Variants in RASGRF2 observed in about 807,000 individuals in gnomAD.
RASGRF2 encodes the protein ras-specific guanine nucleotide-releasing factor 2.
RASGRF2 carries 76 observed loss-of-function variants against 151.0 expected under a neutral mutation model. That is an observed-to-expected ratio of 0.50 (90% CI 0.42 to 0.61). The LOEUF is 0.61. RASGRF2 is among the 20% of genes least tolerant of loss of function. The pLI, the probability that RASGRF2 is intolerant of heterozygous loss-of-function variation, is 0.00. For missense variants in RASGRF2, 1,148 were observed against 1,564.6 expected, an observed-to-expected ratio of 0.73 and a Z score of 4.49; for synonymous variants, 504 against 566.5, an observed-to-expected ratio of 0.89 and a Z score of 1.57.
chr5:81,196,182 C>T (rs938923212), intron 18 of RASGRF2, among the ~76,000 whole-genome samples: 1 of 152,182 alleles, frequency 6.6e-6, no homozygotes, highest in African/African-American at 2.4e-5. Flanking sequence ...TCCATTGAAC[C>T]TGGGAGGCAG....
At chr5:81,113,102 G>A (rs750248610) in intron 14 of RASGRF2, among the ~76,000 whole-genome samples, 11 of 152,048 alleles carry the variant, frequency 7.2e-5, no homozygotes, top group Admixed American at 1.3e-4. Flanking sequence ...ATTTGTAAAC[G>A]AACTCCATTG....
chr5:81,131,385 C>T (rs941403682), intron 17 of RASGRF2, among the ~76,000 whole-genome samples: 1 of 152,014 alleles, frequency 6.6e-6, no homozygotes, highest in Non-Finnish European at 1.5e-5. Flanking sequence ...AACAAAGTCT[C>T]GCTTTATCAC....
intron 1 of RASGRF2, among the ~76,000 whole-genome samples, chr5:81,018,996 C>T (rs878961729): frequency 1.3e-5 from 2 of 152,076 alleles, no homozygotes; most frequent in South Asian, 2.1e-4. Flanking sequence ...GATAGGGTTT[C>T]GCCTTGTTGG....
intron 22 of RASGRF2, among the ~76,000 whole-genome samples, chr5:81,210,550 G>A (rs551627534): frequency 4.6e-5 from 7 of 152,152 alleles, no homozygotes; most frequent in East Asian, 1.9e-4. Context: ...CCTCTGGCCC[G>A]GATGTCCACC....
At chr5:81,206,614 A>G (rs933388445) in intron 19 of RASGRF2, among the ~76,000 whole-genome samples, 1 of 152,188 alleles carries the variant, frequency 6.6e-6, no homozygotes, top group African/African-American at 2.4e-5. Flanking sequence ...CTTGTATGTA[A>G]CAGGTTGCCT....
intron 2 of RASGRF2, among the ~76,000 whole-genome samples, chr5:81,049,161 TAAA>T (rs3991140): frequency 3.7e-4 from 43 of 116,814 alleles, no homozygotes; most frequent in African/African-American, 1.0e-3. Flanking sequence ...GCAAGTTCCC[TAAA>T]AAAAAAAAAA....
At chr5:81,033,935 C>G (rs1190100752) in intron 1 of RASGRF2, among the ~76,000 whole-genome samples, 1 of 152,192 alleles carries the variant, frequency 6.6e-6, no homozygotes, top group Non-Finnish European at 1.5e-5. Context: ...CTACAAGGAA[C>G]TTAAACAAAT....
At chr5:81,171,246 C>T (rs1362192103) in intron 17 of RASGRF2, among the ~76,000 whole-genome samples, 1 of 152,150 alleles carries the variant, frequency 6.6e-6, no homozygotes, top group Non-Finnish European at 1.5e-5. Flanking sequence ...ACTCCTGATC[C>T]CATGCCCATG....
intron 13 of RASGRF2, among the ~76,000 whole-genome samples, 158 bp from the exon 14 acceptor site, chr5:81,112,452 C>T (rs1053641144): frequency 6.6e-6 from 1 of 152,156 alleles, no homozygotes; most frequent in African/African-American, 2.4e-5. Flanking sequence ...CACCAATCCC[C>T]CAAGAATACT....
intron 19 of RASGRF2, 134 bp from the exon 20 acceptor site, chr5:81,206,710 GT>G: frequency 1.4e-6 from 1 of 698,482 alleles, no homozygotes; most frequent in Non-Finnish European, 2.6e-6. Context: ...CAGCTCAGCA[GT>G]TGGTTGTGCT....
intron 23 of RASGRF2, among the ~76,000 whole-genome samples, chr5:81,215,362 C>G (rs1452744487): frequency 1.3e-5 from 2 of 151,636 alleles, no homozygotes; most frequent in Non-Finnish European, 2.9e-5. Context: ...CCTCCGCCTC[C>G]CGGGTTCAAG....
At chr5:81,049,472 A>G (rs1327944675) in intron 2 of RASGRF2, among the ~76,000 whole-genome samples, 1 of 152,048 alleles carries the variant, frequency 6.6e-6, no homozygotes, top group Non-Finnish European at 1.5e-5. Context: ...TTTGTTTACG[A>G]TGTCTCTCCC....
intron 12 of RASGRF2, among the ~76,000 whole-genome samples, chr5:81,104,124 A>T (rs920349529): frequency 6.6e-6 from 1 of 152,154 alleles, no homozygotes; most frequent in Non-Finnish European, 1.5e-5. Context: ...TTGGAATGGA[A>T]AAAAAGAGGA....
chr5:81,076,245 G>T (rs910162603), intron 5 of RASGRF2, among the ~76,000 whole-genome samples: 2 of 152,170 alleles, frequency 1.3e-5, no homozygotes, highest in African/African-American at 4.8e-5. Context: ...CTGTAAAGAG[G>T]AGAAGAGAAA....
chr5:80,982,580 C>CTATTATTATTAT (rs10634471), intron 1 of RASGRF2, among the ~76,000 whole-genome samples: 22,035 of 134,914 alleles, frequency 0.16, 2,049 homozygotes, highest in South Asian at 0.26. Context: ...AAATTTGGTT[C>CTATTATTATTAT]TATTATTATT....
intron 15 of RASGRF2, 79 bp downstream of exon 15, chr5:81,113,999 G>T: frequency 6.8e-7 from 1 of 1,473,762 alleles, no homozygotes; most frequent in Non-Finnish European, 9.2e-7. Flanking sequence ...TTGGAACACT[G>T]GTTCCCTTTC....
rs192909133 is a variant in RASGRF2 at position 81,213,930 on chromosome 5, C to T, written c.3354+1367C>T. On this transcript the variant is annotated intron_variant, in intron 23 of 26. Coordinates refer to ENST00000265080, the MANE Select transcript of RASGRF2 (RefSeq NM_006909.3). ...TCACATGCAGTTGTAAGAAATAACG[C>T]GGGGATTCCCTGCACCTTACACCCA... Among the ~76,000 whole-genome samples the T allele has an allele frequency of 2.9e-3, 446 of 152,278 alleles. 1 individual carries two copies. The highest frequency in any genetic ancestry group is 5.2e-3 in the Non-Finnish European group (353 of 68,010).
intron 1 of RASGRF2, among the ~76,000 whole-genome samples, chr5:80,971,581 T>C (rs900601936): frequency 6.6e-6 from 1 of 151,496 alleles, no homozygotes; most frequent in African/African-American, 2.4e-5. Context: ...TTTTTTTTTT[T>C]TTGAGATAGT....
chr5:80,969,914 C>T lies in RASGRF2; in HGVS notation c.288+8888C>T, dbSNP rs189587623. 9.5e-3 allele frequency among the ~76,000 whole-genome samples: 1,411 copies of T among 147,874 alleles called. 28 individuals carry two copies. The highest frequency in any genetic ancestry group is 0.034 in the African/African-American group (1,344 of 39,362). Reference sequence around the variant, plus strand: ...CGATCTTGGCTCACTGCAACCTCCGCGACCTGGGTTCAAGCGATTCTCCTG... The same window carrying T: ...CGATCTTGGCTCACTGCAACCTCCGTGACCTGGGTTCAAGCGATTCTCCTG... On this transcript the variant is annotated intron_variant, in intron 1 of 26. Transcript: ENST00000265080.
Sources: gnomAD v4.1 joint callset for allele counts (sites outside exome capture counted in the v4.1 genomes callset) on GRCh38, gnomAD v4.1.1 for gene constraint, MANE v1.5 for transcripts, NCBI Gene and HGNC (gene_info 2026-07-23, HGNC 2026-07-21) for gene names.